Variants in ERBIN observed in about 807,000 individuals in gnomAD.
ERBIN encodes the protein densin-180-like protein.
ERBIN carries 60 observed loss-of-function variants against 158.4 expected under a neutral mutation model. The ratio of observed to expected loss-of-function variants is 0.38; its 90% CI spans 0.31 to 0.47. The LOEUF (loss-of-function observed/expected upper bound fraction) is 0.47. Among genes scored for constraint, ERBIN ranks in the 20% least tolerant of loss-of-function variants. The pLI is 0.99. For synonymous variants in ERBIN, 594 were observed against 557.2 expected (o/e 1.07, Z -0.93); for missense variants, 1,610 against 1,648.0 (o/e 0.98, Z 0.40).
At chr5:65,951,912 A>T (rs1211740047) in intron 1 of ERBIN, among the ~76,000 whole-genome samples, 3 of 152,160 alleles carry the variant, frequency 2.0e-5, no homozygotes, top group African/African-American at 7.2e-5. Context: ...GTGCCTTATG[A>T]TGTTAATTTT....
chr5:66,063,662 C>G (rs758462902), intron 21 of ERBIN, among the ~76,000 whole-genome samples: 4 of 152,176 alleles, frequency 2.6e-5, no homozygotes, highest in Non-Finnish European at 5.9e-5. Flanking sequence ...GGACCTGTTC[C>G]TATTCGGCCA....
At chr5:65,950,792 T>TC (rs1746406156) in intron 1 of ERBIN, among the ~76,000 whole-genome samples, 1 of 140,552 alleles carries the variant, frequency 7.1e-6, no homozygotes, top group East Asian at 1.9e-4. Flanking sequence ...TCATATGTAT[T>TC]TTTTTTTTTT....
At chr5:65,943,017 T>G (rs1745259983) in intron 1 of ERBIN, among the ~76,000 whole-genome samples, 1 of 152,212 alleles carries the variant, frequency 6.6e-6, no homozygotes, top group Non-Finnish European at 1.5e-5. Flanking sequence ...CCATTTCCCC[T>G]ATTATTAACA....
chr5:66,068,823 G>C, intron 21 of ERBIN: 2 of 1,436,338 alleles, frequency 1.4e-6, no homozygotes, highest in African/African-American at 1.4e-5. Context: ...AACATGTCTC[G>C]TGGATTTTGC....
In ERBIN at chr5:66,053,695, A is replaced by G. The variant is rs1293303600; in HGVS notation, c.2377A>G (p.Thr793Ala). The G allele has an allele frequency of 1.2e-6, 2 of 1,613,952 alleles. No individual in the cohort carries two copies. The change falls in exon 21 of 26, where the codon ACA becomes GCA. Residue 793 changes from threonine to alanine, a missense_variant. Thr to Ala is a moderately conservative substitution (Grantham distance 58). Transcript: ENST00000284037. The stretch of plus-strand genomic sequence containing the variant: ...AAAAACACAGGATATTGTGCTTGGA[A>G]CAAGCTTTTTAAGCATTAATTCTAA... The part of the protein sequence containing the change: ...RSKTQDIVLG[T>A]SFLSINSKEE...
chr5:65,993,110 A>T (rs915274709), intron 3 of ERBIN, among the ~76,000 whole-genome samples: 1 of 152,162 alleles, frequency 6.6e-6, no homozygotes, highest in Non-Finnish European at 1.5e-5. Context: ...TTGCTTTTAT[A>T]CTTGTGCAGA....
At position 66,078,813 on chromosome 5, in the gene ERBIN, GGTTT is replaced by G; in HGVS notation, c.*284_*287del. 1 of 336,592 alleles carries G rather than the reference GGTTT, an allele frequency of 3.0e-6. No homozygotes were observed. The highest frequency in any genetic ancestry group is 5.4e-6 in the Non-Finnish European group (1 of 186,632). 20.9% of individuals were successfully genotyped at this position (336,592 alleles called of 1,614,324 possible). A position where few individuals can be genotyped will look rare whatever the true frequency, so the allele number is the denominator to read the frequency against. On this transcript the variant is annotated 3_prime_UTR_variant, in exon 26 of 26. Transcript: ENST00000284037. ...CTGTGTTGTTTTTGTATAGATTGTA[GGTTT>G]ATTTTTGGATTTCATATACATGACT...
rs775616841 is a variant in ERBIN at position 66,025,992 on chromosome 5, A to T, written c.1020+15A>T. On this transcript the variant is annotated intron_variant, in intron 12 of 25. Coordinates refer to ENST00000284037, the MANE Select transcript of ERBIN (RefSeq NM_001253697.2). ...TGCCCCCAGAGGTAATGTATTTTAGATTTGTTTAGATTTTTGTCTTTTCAT... is the reference window on the plus strand; with the variant it reads ...TGCCCCCAGAGGTAATGTATTTTAGTTTTGTTTAGATTTTTGTCTTTTCAT... The T allele has an allele frequency of 6.4e-7, 1 of 1,563,066 alleles. No homozygotes were observed. Among genetic ancestry groups the T allele is most frequent in the South Asian group, 1.2e-5 (1 of 80,432 alleles).
Position 66,064,355 on chromosome 5 carries a change from A to T in ERBIN, c.3634-7814A>T, listed in dbSNP as rs572308404. Among the ~76,000 whole-genome samples the T allele has an allele frequency of 3.3e-5, 5 of 152,346 alleles. No homozygotes were observed. In the South Asian group the frequency reaches 1.0e-3, roughly 32 times the overall value. On this transcript the variant is annotated intron_variant, in intron 21 of 25. Transcript: ENST00000284037. ...TAGAAAGTCATAATATATAAAGTTT[A>T]TTTGGTATTTACAAAGTGCCAGAAA...
At chr5:66,020,075 G>T (rs1486045416) in intron 7 of ERBIN, among the ~76,000 whole-genome samples, 2 of 152,088 alleles carry the variant, frequency 1.3e-5, no homozygotes, top group Admixed American at 1.3e-4. Flanking sequence ...AAAGATATGA[G>T]TAAGGAAGCA....
intron 10 of ERBIN, 67 bp downstream of exon 10, chr5:66,024,517 A>T: frequency 6.8e-7 from 1 of 1,466,284 alleles, no homozygotes; most frequent in Non-Finnish European, 9.2e-7. Flanking sequence ...CATAATCTCA[A>T]ATTTCACTTG....
At position 65,994,683 on chromosome 5, in the gene ERBIN, AG is replaced by A. The variant is rs1269999847; in HGVS notation, c.190-63del. 7.9e-6 allele frequency: 7 copies of A among 888,476 alleles called. No homozygotes were observed. In the Admixed American group the frequency reaches 1.6e-4, roughly 20 times the overall value. 55.0% of individuals were successfully genotyped at this position (888,476 alleles called of 1,614,324 possible). A position where few individuals can be genotyped will look rare whatever the true frequency, so the allele number is the denominator to read the frequency against. On this transcript the variant is annotated intron_variant, in intron 3 of 25. Coordinates refer to ENST00000284037, the MANE Select transcript of ERBIN (RefSeq NM_001253697.2). ...CAGTTTTAATATGGCTGATAATAAA[AG>A]TTAGTTCATGAAATATTTAAAGATG...
chr5:66,011,937 TC>T (rs1344301257), intron 4 of ERBIN, 111 bp from the exon 5 acceptor site: 1 of 571,850 alleles, frequency 1.7e-6, no homozygotes, highest in Non-Finnish European at 3.1e-6. Context: ...TTCATCTAGT[TC>T]CTTGTTAATT....
In ERBIN at chr5:66,076,898, A is replaced by G. The variant is rs1307729871; in HGVS notation, c.4080A>G (p.Gln1360=). 1.2e-6 allele frequency: 2 copies of G among 1,609,772 alleles called. No individual in the cohort carries two copies. Among genetic ancestry groups the G allele is most frequent in the Admixed American group, 1.7e-5 (1 of 59,854 alleles). The change falls in exon 25 of 26, where the codon CAA becomes CAG. Residue 1360 remains glutamine, a synonymous_variant. Coordinates refer to ENST00000284037, the MANE Select transcript of ERBIN (RefSeq NM_001253697.2). Reference sequence around the variant, plus strand: ...AGGGTATATTTGTAACAAGGGTACAACCTGAAGGACCAGCATCAAAATTAC... The same window carrying G: ...AGGGTATATTTGTAACAAGGGTACAGCCTGAAGGACCAGCATCAAAATTAC... ...DDDGIFVTRV[Q]PEGPASKLLQ...
At chr5:66,045,087 A>G (rs1758296038) in intron 17 of ERBIN, among the ~76,000 whole-genome samples, 1 of 151,890 alleles carries the variant, frequency 6.6e-6, no homozygotes, top group Admixed American at 6.6e-5. Flanking sequence ...GCATGGTGGC[A>G]TGCTCCTGTA....
intron 15 of ERBIN, among the ~76,000 whole-genome samples, chr5:66,042,722 T>A (rs1758034399): frequency 6.6e-6 from 1 of 152,082 alleles, no homozygotes; most frequent in Non-Finnish European, 1.5e-5. Context: ...TGTATAATGT[T>A]TAATACAGTG....
intron 18 of ERBIN, among the ~76,000 whole-genome samples, chr5:66,048,038 G>C (rs10042290): frequency 6.6e-6 from 1 of 151,886 alleles, no homozygotes; most frequent in South Asian, 2.1e-4. Context: ...TTTCACCTGT[G>C]TTTTGGAAAA....
At chr5:65,948,762 GTTTTT>G (rs59712256) in intron 1 of ERBIN, among the ~76,000 whole-genome samples, 1 of 105,624 alleles carries the variant, frequency 9.5e-6, no homozygotes, top group Non-Finnish European at 1.8e-5. Flanking sequence ...TCTGTTTTGC[GTTTTT>G]TTTTTTTTTT....
chr5:66,021,276 A>G (rs1375864125), intron 7 of ERBIN, 46 bp from the exon 8 acceptor site: 2 of 1,241,438 alleles, frequency 1.6e-6, no homozygotes, highest in South Asian at 1.3e-5. Context: ...GCTTCCATGT[A>G]ATTGATATTT....
Sources: allele counts gnomAD v4.1 joint callset (sites outside exome capture counted in the v4.1 genomes callset), GRCh38; gene constraint gnomAD v4.1.1; transcripts MANE v1.5; gene names NCBI Gene and HGNC (gene_info 2026-07-23, HGNC 2026-07-21).